Variants in PRKAG2 observed in about 807,000 individuals in gnomAD.
PRKAG2 encodes protein kinase AMP-activated non-catalytic subunit gamma 2, also known as 5'-AMP-activated protein kinase subunit gamma-2.
In PRKAG2, 26 loss-of-function variants were observed where a neutral mutation model predicts 69.6. The observed-to-expected ratio is 0.37, with a 90% confidence interval of 0.27 to 0.52. The LOEUF is 0.52. Among genes scored for constraint, PRKAG2 ranks in the 20% least tolerant of loss-of-function variants. The pLI, the probability that PRKAG2 is intolerant of heterozygous loss-of-function variation, is 0.90. For missense variants in PRKAG2, 557 were observed against 740.0 expected (o/e 0.75, Z 2.87); for synonymous variants, 293 against 285.0 (o/e 1.03, Z -0.28).
intron 1 of PRKAG2, among the ~76,000 whole-genome samples, chr7:151,864,007 A>G (rs1048566970): frequency 4.6e-5 from 7 of 152,126 alleles, no homozygotes; most frequent in African/African-American, 1.4e-4. Context: ...CCTACAGAAC[A>G]TCGCTTTGAG....
chr7:151,785,285 C>T (rs1678010999), intron 2 of PRKAG2, among the ~76,000 whole-genome samples: 1 of 152,240 alleles, frequency 6.6e-6, no homozygotes, highest in Non-Finnish European at 1.5e-5. Flanking sequence ...AAGGTTTTCA[C>T]TGGAAAGAAG....
intron 5 of PRKAG2, among the ~76,000 whole-genome samples, chr7:151,607,162 C>T (rs1324458968): frequency 6.6e-6 from 1 of 152,158 alleles, no homozygotes; most frequent in Non-Finnish European, 1.5e-5. Context: ...AGGTTAATAA[C>T]AAACTTTTAC....
chr7:151,820,423 C>G (rs1371674183), intron 1 of PRKAG2, among the ~76,000 whole-genome samples: 1 of 132,398 alleles, frequency 7.6e-6, no homozygotes, highest in Non-Finnish European at 1.6e-5. Context: ...GCAGGGCACA[C>G]TCTACTCGGA....
At chr7:151,743,845 G>A (rs2074075980) in intron 3 of PRKAG2, among the ~76,000 whole-genome samples, 2 of 152,186 alleles carry the variant, frequency 1.3e-5, no homozygotes, top group African/African-American at 2.4e-5. Context: ...TCTGCCCTCG[G>A]CAGGGCTCCA....
At position 151,688,046 on chromosome 7, in the gene PRKAG2, C is replaced by CCCCCA. The variant is rs1554539848; in HGVS notation, c.467-12410_467-12409insTGGGG. Reference sequence around the variant, plus strand: ...GGAGGAGGAGGAGGAAATGAGGCCCCCCCCCGGGCTCCTTGCTGAGTCAGC... The same window carrying CCCCCA: ...GGAGGAGGAGGAGGAAATGAGGCCCCCCCCACCCCCGGGCTCCTTGCTGAGTCAGC... On this transcript the variant is annotated intron_variant, in intron 3 of 15. Transcript: ENST00000287878. Among the ~76,000 whole-genome samples the CCCCCA allele has an allele frequency of 6.3e-5, 9 of 142,624 alleles. 1 individual carries two copies. The highest frequency in any genetic ancestry group is 1.3e-4 in the Non-Finnish European group (8 of 63,156). 93.6% of individuals were successfully genotyped at this position (142,624 alleles called of 152,430 possible).
intron 3 of PRKAG2, among the ~76,000 whole-genome samples, chr7:151,697,718 G>T (rs957243364): frequency 2.0e-5 from 3 of 152,108 alleles, no homozygotes; most frequent in African/African-American, 7.2e-5. Context: ...GGTGCAGGGA[G>T]GGGGTGTGGA....
At chr7:151,736,754 G>A (rs2536063) in intron 3 of PRKAG2, among the ~76,000 whole-genome samples, 5 of 152,046 alleles carry the variant, frequency 3.3e-5, no homozygotes, top group Non-Finnish European at 5.9e-5. Context: ...ACAGCTCCCC[G>A]ACTGGAATTT....
intron 1 of PRKAG2, among the ~76,000 whole-genome samples, chr7:151,865,893 G>A (rs774526371): frequency 1.1e-4 from 16 of 151,938 alleles, no homozygotes; most frequent in East Asian, 1.9e-4. Flanking sequence ...GGTGGCGGGC[G>A]CCCGTAGACC....
chr7:151,791,976 C>A (rs2077289603), intron 1 of PRKAG2, among the ~76,000 whole-genome samples: 2 of 152,196 alleles, frequency 1.3e-5, no homozygotes, highest in African/African-American at 4.8e-5. Flanking sequence ...AAGTCATTTG[C>A]CCAATGCCAG....
chr7:151,577,588 C>G, intron 6 of PRKAG2, among the ~76,000 whole-genome samples: 1 of 152,246 alleles, frequency 6.6e-6, no homozygotes, highest in Middle Eastern at 3.4e-3. Context: ...CAGCTAGTGT[C>G]AAGAATCACA....
At chr7:151,767,787 T>C (rs1563628908) in intron 3 of PRKAG2, among the ~76,000 whole-genome samples, 2 of 152,260 alleles carry the variant, frequency 1.3e-5, no homozygotes, top group South Asian at 4.1e-4. Flanking sequence ...ACTGACTTTT[T>C]TGAAACCAAA....
intron 6 of PRKAG2, among the ~76,000 whole-genome samples, chr7:151,584,268 C>T (rs1811132365): frequency 6.6e-6 from 1 of 152,158 alleles, no homozygotes; most frequent in Non-Finnish European, 1.5e-5. Context: ...GACATAGGAA[C>T]ATGGGGCCTC....
In PRKAG2 at chr7:151,583,273, C is replaced by T. The variant is rs1204571183; in HGVS notation, c.865-6821G>A. On this transcript the variant is annotated intron_variant, in intron 6 of 15. Coordinates refer to ENST00000287878, the MANE Select transcript of PRKAG2 (RefSeq NM_016203.4). This position sits in a 1 kb window ranked among gnomAD's most constrained non-coding sequence, Gnocchi z 4.1. Reference sequence around the variant, plus strand: ...TAGGCCTCAAGTGATCCTCCTGCTTCAGCCTCCCAAAGTGCTGGGATGAAA... The same window carrying T: ...TAGGCCTCAAGTGATCCTCCTGCTTTAGCCTCCCAAAGTGCTGGGATGAAA... 6.6e-6 allele frequency among the ~76,000 whole-genome samples: 1 copy of T among 152,200 alleles called. No individual in the cohort carries two copies. The highest frequency in any genetic ancestry group is 1.5e-5 in the Non-Finnish European group (1 of 68,022).
intron 5 of PRKAG2, among the ~76,000 whole-genome samples, chr7:151,598,032 A>T (rs906624018): frequency 1.1e-4 from 17 of 152,226 alleles, no homozygotes; most frequent in African/African-American, 4.1e-4. Context: ...AGCACTATTC[A>T]CAACAGCCAA....
intron 6 of PRKAG2, among the ~76,000 whole-genome samples, chr7:151,577,412 C>T (rs1437433711): frequency 1.3e-5 from 2 of 152,052 alleles, no homozygotes; most frequent in African/African-American, 2.4e-5. Context: ...CAAATAAGTA[C>T]AGGGAAAATG....
At chr7:151,785,672 T>C (rs2076969334) in intron 2 of PRKAG2, among the ~76,000 whole-genome samples, 1 of 152,242 alleles carries the variant, frequency 6.6e-6, no homozygotes, top group African/African-American at 2.4e-5. Context: ...TCACTAGCTC[T>C]GTCTGCTGTC....
intron 1 of PRKAG2, among the ~76,000 whole-genome samples, chr7:151,823,580 T>C (rs2078842884): frequency 1.3e-5 from 2 of 151,922 alleles, no homozygotes; most frequent in South Asian, 4.2e-4. Context: ...TAACCAGTCC[T>C]GGCCTACTGG....
chr7:151,839,157 C>A (rs1167817265), intron 1 of PRKAG2, among the ~76,000 whole-genome samples: 1 of 152,214 alleles, frequency 6.6e-6, no homozygotes, highest in Non-Finnish European at 1.5e-5. Context: ...CAGCCCCACC[C>A]CAACCAGGGC....
chr7:151,569,578 T>C (rs1433051032), intron 10 of PRKAG2, among the ~76,000 whole-genome samples: 1 of 152,230 alleles, frequency 6.6e-6, no homozygotes, highest in Admixed American at 6.5e-5. Context: ...AGTAAGAAGG[T>C]TGTTATACCT....
Sources: allele counts gnomAD v4.1 joint callset (sites outside exome capture counted in the v4.1 genomes callset), GRCh38; gene constraint gnomAD v4.1.1; non-coding constraint Gnocchi (gnomAD v3.1); transcripts MANE v1.5; gene names NCBI Gene and HGNC (gene_info 2026-07-23, HGNC 2026-07-21).